The following PSD3 variants were observed in gnomAD, a reference collection of about 807,000 sequenced individuals.
PSD3 encodes the protein PH and SEC7 domain-containing protein 3.
Under a neutral mutation model 105.5 loss-of-function variants are expected in PSD3, and 49 were observed. The observed-to-expected ratio is 0.46, with a 90% CI of 0.37 to 0.59. The LOEUF (loss-of-function observed/expected upper bound fraction) is 0.59. Ranked by LOEUF, PSD3 falls within the 20% of genes least tolerant of loss-of-function variation. The pLI is 0.00. For missense variants in PSD3, 1,561 were observed against 1,263.8 expected, an observed-to-expected ratio of 1.24 and a Z score of -3.57; for synonymous variants, 557 against 457.8, an observed-to-expected ratio of 1.22 and a Z score of -2.77.
chr8:18,827,556 T>C (rs1813300715), intron 4 of PSD3, among the ~76,000 whole-genome samples: 1 of 152,136 alleles, frequency 6.6e-6, no homozygotes, highest in Non-Finnish European at 1.5e-5. Flanking sequence ...ATTAAATAGA[T>C]AGATTAAATG....
At position 18,565,361 on chromosome 8, in the gene PSD3, A is replaced by G. The variant is rs1025181952; in HGVS notation, c.2784+7167T>C. On this transcript the variant is annotated intron_variant, in intron 14 of 15. Coordinates refer to ENST00000327040, the MANE Select transcript of PSD3 (RefSeq NM_015310.4). ...TTTCAAACAAGTCTTTCCACCCCCA[A>G]TAGAAGAAAAATGTGCTCTGGCAGC... is the stretch of plus-strand genomic sequence containing the variant. Among the ~76,000 whole-genome samples the G allele has an allele frequency of 4.6e-5, 7 of 152,182 alleles. No individual in the cohort carries two copies. The South Asian group carries it at 8.3e-4, about 18-fold the overall frequency.
intron 8 of PSD3, among the ~76,000 whole-genome samples, chr8:18,798,505 T>C (rs567327609): frequency 6.6e-6 from 1 of 152,086 alleles, no homozygotes; most frequent in African/African-American, 2.4e-5. Flanking sequence ...AAAAGGAAAT[T>C]ATGTGACTAG....
intron 9 of PSD3, among the ~76,000 whole-genome samples, chr8:18,752,255 C>T (rs955416174): frequency 7.3e-5 from 11 of 150,836 alleles, no homozygotes; most frequent in African/African-American, 2.0e-4. Context: ...TGCAGAATCA[C>T]TGACACTGTG....
chr8:18,603,449 C>G (rs1804585163), intron 11 of PSD3, among the ~76,000 whole-genome samples: 1 of 152,064 alleles, frequency 6.6e-6, no homozygotes, highest in Non-Finnish European at 1.5e-5. Flanking sequence ...TTAGAAGTTC[C>G]TTTAGTGAGG....
chr8:19,048,625 T>G (rs1274072579), intron 1 of PSD3, among the ~76,000 whole-genome samples: 1 of 152,028 alleles, frequency 6.6e-6, no homozygotes, highest in East Asian at 1.9e-4. Flanking sequence ...AACTGTGAAA[T>G]GCTGAGTTGA....
intron 2 of PSD3, among the ~76,000 whole-genome samples, chr8:18,877,563 A>G (rs1012457707): frequency 3.6e-5 from 5 of 137,954 alleles, no homozygotes; most frequent in Non-Finnish European, 7.7e-5. Context: ...TTTCTTTTTG[A>G]CAGGATCTCA....
intron 9 of PSD3, among the ~76,000 whole-genome samples, chr8:18,731,859 T>A (rs1207212327): frequency 1.3e-5 from 2 of 152,140 alleles, no homozygotes; most frequent in East Asian, 1.9e-4. Context: ...TGCTTTTAAA[T>A]AAAAATGTTT....
In PSD3 at chr8:18,695,171, A is replaced by G. The variant is rs555662958; in HGVS notation, c.2173-39486T>C. Among the ~76,000 whole-genome samples, 36 of 152,272 alleles carry G rather than the reference A, an allele frequency of 2.4e-4. 1 individual carries two copies. Among genetic ancestry groups the G allele is most frequent in the East Asian group, 3.9e-4 (2 of 5,176 alleles). Reference sequence around the variant, plus strand: ...TTCCTTGCAAAGAACAGCAACGACAAAGGCCTGATGAGAGCTAATGTTACA... The same window carrying G: ...TTCCTTGCAAAGAACAGCAACGACAGAGGCCTGATGAGAGCTAATGTTACA... On this transcript the variant is annotated intron_variant, in intron 9 of 15. Coordinates refer to ENST00000327040, the MANE Select transcript of PSD3 (RefSeq NM_015310.4).
intron 11 of PSD3, among the ~76,000 whole-genome samples, chr8:18,631,169 T>C (rs144878950): frequency 8.5e-5 from 13 of 152,106 alleles, no homozygotes; most frequent in Non-Finnish European, 1.6e-4. Flanking sequence ...GGTATATTTG[T>C]GGTTGTAAAA....
rs540277478 is a variant in PSD3 at position 18,658,320 on chromosome 8, A to G, written c.2173-2635T>C. ...CATCCAAAACTTAAATACACTCTCAACACAACTTCCCATCTTTTTATCTAC... is the reference window on the plus strand; with the variant it reads ...CATCCAAAACTTAAATACACTCTCAGCACAACTTCCCATCTTTTTATCTAC... On this transcript the variant is annotated intron_variant, in intron 9 of 15. Transcript: ENST00000327040. Among the ~76,000 whole-genome samples, 13 of 152,284 alleles carry G rather than the reference A, an allele frequency of 8.5e-5. No individual in the cohort carries two copies. The South Asian group carries it at 2.7e-3, about 32-fold the overall frequency.
chr8:19,009,953 G>C (rs1826877381), intron 1 of PSD3, among the ~76,000 whole-genome samples: 3 of 152,164 alleles, frequency 2.0e-5, no homozygotes, highest in Non-Finnish European at 4.4e-5. Flanking sequence ...TTTCTCAGAA[G>C]ACCCGTGTGA....
At position 18,864,919 on chromosome 8, in the gene PSD3, T is replaced by C. The variant is rs1442949736; in HGVS notation, c.1634+2755A>G. On this transcript the variant is annotated intron_variant, in intron 4 of 15. Coordinates refer to ENST00000327040, the MANE Select transcript of PSD3 (RefSeq NM_015310.4). The stretch of plus-strand genomic sequence containing the variant: ...AAAATGTGTGGAAACGTGTGTATTA[T>C]TGACCTGGTAAATTTTCCTTCAAAT... 10 of 152,018 alleles carry C rather than the reference T, an allele frequency of 6.6e-5. No homozygotes were observed. In the South Asian group the frequency reaches 1.2e-3, roughly 19 times the overall value. The allele number at this position is 152,018 out of a possible 1,614,324, so 9.4% of individuals were successfully genotyped here.
intron 1 of PSD3, among the ~76,000 whole-genome samples, chr8:18,954,008 G>T (rs1231259840): frequency 1.3e-5 from 2 of 151,994 alleles, no homozygotes; most frequent in African/African-American, 4.8e-5. Context: ...AGTGACACAG[G>T]GCTCTGAGCA....
chr8:18,727,334 C>CAAAAA (rs11300334), intron 9 of PSD3, among the ~76,000 whole-genome samples: 1 of 55,788 alleles, frequency 1.8e-5, no homozygotes, highest in African/African-American at 7.1e-5. Context: ...GACTGTGTCT[C>CAAAAA]AAAAAAAAAA....
chr8:18,764,093 T>G (rs1806770915), intron 9 of PSD3, among the ~76,000 whole-genome samples: 1 of 152,156 alleles, frequency 6.6e-6, no homozygotes, highest in African/African-American at 2.4e-5. Context: ...AGCCAATAAT[T>G]TGCCAACCGT....
chr8:18,936,008 G>T, intron 2 of PSD3, 26 bp downstream of exon 2: 1 of 1,430,236 alleles, frequency 7.0e-7, no homozygotes, highest in Non-Finnish European at 9.8e-7. Flanking sequence ...AGTTTACCTG[G>T]GAGAGGGATA....
chr8:18,861,311 A>T (rs1452988671), intron 4 of PSD3, among the ~76,000 whole-genome samples: 1 of 152,052 alleles, frequency 6.6e-6, no homozygotes. Context: ...TTAGAAGGAC[A>T]CATAAGCAAA....
intron 9 of PSD3, among the ~76,000 whole-genome samples, chr8:18,688,926 A>G (rs565740593): frequency 2.6e-5 from 4 of 152,372 alleles, no homozygotes; most frequent in African/African-American, 9.6e-5. Flanking sequence ...GCTTTAGCAG[A>G]AAGTGAAGGT....
chr8:18,583,560 G>C (rs1802958357), intron 12 of PSD3, among the ~76,000 whole-genome samples: 1 of 152,092 alleles, frequency 6.6e-6, no homozygotes, highest in Non-Finnish European at 1.5e-5. Flanking sequence ...CACTGAACCT[G>C]CAGTTCCCCA....
Sources: gnomAD v4.1 joint callset for allele counts (sites outside exome capture counted in the v4.1 genomes callset) on GRCh38, gnomAD v4.1.1 for gene constraint, MANE v1.5 for transcripts, NCBI Gene and HGNC (gene_info 2026-07-23, HGNC 2026-07-21) for gene names.